SLC26A8: variants seen among roughly 807,000 people sequenced by gnomAD.
SLC26A8 encodes the protein solute carrier family 26 member 8.
Under a neutral mutation model 105.0 loss-of-function variants are expected in SLC26A8, and 70 were observed. The observed-to-expected ratio is 0.67, with a 90% CI of 0.55 to 0.81. The LOEUF (loss-of-function observed/expected upper bound fraction) is 0.81, where lower values mean the gene tolerates loss of function less well. Ranked by LOEUF, SLC26A8 falls within the 40% of genes least tolerant of loss-of-function variation. SLC26A8 has a pLI of 0.00. For missense variants in SLC26A8, 998 were observed against 1,181.8 expected (o/e 0.84, Z 2.28); for synonymous variants, 415 against 438.3 (o/e 0.95, Z 0.66).
chr6:36,007,381 G>A (rs562056991), intron 3 of SLC26A8, among the ~76,000 whole-genome samples: 1 of 152,148 alleles, frequency 6.6e-6, no homozygotes, highest in South Asian at 2.1e-4. Context: ...AAATACTTTG[G>A]CACAAATCTA....
chr6:35,954,581 G>C (rs1771985257), intron 17 of SLC26A8, among the ~76,000 whole-genome samples: 1 of 152,172 alleles, frequency 6.6e-6, no homozygotes, highest in African/African-American at 2.4e-5. Context: ...AGAGTGTCCT[G>C]TTTTTCATTT....
chr6:36,015,237 C>T (rs1761963981), intron 2 of SLC26A8, among the ~76,000 whole-genome samples: 1 of 151,842 alleles, frequency 6.6e-6, no homozygotes, highest in Non-Finnish European at 1.5e-5. Flanking sequence ...CTCAGCCTAC[C>T]GAGTAGCTGG....
At chr6:35,964,994 G>A (rs1386830125) in intron 11 of SLC26A8, among the ~76,000 whole-genome samples, 1 of 150,954 alleles carries the variant, frequency 6.6e-6, no homozygotes, top group Non-Finnish European at 1.5e-5. Flanking sequence ...AATGGTAGAT[G>A]TACAAAATTA....
chr6:35,951,104 C>T (rs1771851545), intron 19 of SLC26A8, 59 bp downstream of exon 19: 1 of 1,463,046 alleles, frequency 6.8e-7, no homozygotes, highest in African/African-American at 1.4e-5. Context: ...ACCCCTCACC[C>T]ATCCCCCCAC....
intron 19 of SLC26A8, 56 bp downstream of exon 19, chr6:35,951,106 TC>T: frequency 1.9e-6 from 1 of 532,746 alleles, no homozygotes; most frequent in Non-Finnish European, 3.4e-6. Context: ...CCCTCACCCA[TC>T]CCCCCACTGC....
At position 35,955,524 on chromosome 6, in the gene SLC26A8, G is replaced by A. The variant is rs765444022; in HGVS notation, c.1864-4C>T. The A allele has an allele frequency of 3.1e-6, 5 of 1,612,856 alleles. No homozygotes were observed. The South Asian group carries it at 5.5e-5, about 18-fold the overall frequency. ...CAAATCGCTCTGTGTAAAGAATCTG[G>A]GACGACAGAGTTAAGGGAGGGCTGT... On this transcript the variant is annotated splice_region_variant and splice_polypyrimidine_tract_variant and intron_variant, in intron 16 of 19. Transcript: ENST00000490799.
Position 35,944,332 on chromosome 6 carries a change from A to G in SLC26A8, c.2481T>C (p.Asn827=), listed in dbSNP as rs764265364. 8.7e-6 allele frequency: 14 copies of G among 1,608,388 alleles called. No individual in the cohort carries two copies. Among genetic ancestry groups the G allele is most frequent in the Non-Finnish European group, 1.2e-5 (14 of 1,175,734 alleles). The change falls in exon 20 of 20, where the codon AAT becomes AAC. Residue 827 remains asparagine, a synonymous_variant. Coordinates refer to ENST00000490799, the MANE Select transcript of SLC26A8 (RefSeq NM_052961.4). The part of the protein sequence containing the change: ...ETYSETDKND[N]SRYKMSSSFL... ...AACTGCTGCTCATTTTATATCTTGAATTGTCATTCTGAAATACAATTAGGT... is the reference window on the plus strand; with the variant it reads ...AACTGCTGCTCATTTTATATCTTGAGTTGTCATTCTGAAATACAATTAGGT...
chr6:35,962,436 G>A (rs1380937952), intron 12 of SLC26A8, 90 bp downstream of exon 12: 4 of 1,060,600 alleles, frequency 3.8e-6, no homozygotes, highest in Non-Finnish European at 4.3e-6. Flanking sequence ...TGTTCTTTAG[G>A]TCCATGGCAG....
At chr6:35,987,396 CAG>C in intron 7 of SLC26A8, among the ~76,000 whole-genome samples, 1 of 152,144 alleles carries the variant, frequency 6.6e-6, no homozygotes, top group African/African-American at 2.4e-5. Context: ...TTTTTTGAGA[CAG>C]AGTCTTGCTG....
chr6:35,988,848 T>G (rs948203565), intron 7 of SLC26A8, among the ~76,000 whole-genome samples: 3 of 150,182 alleles, frequency 2.0e-5, no homozygotes, highest in Non-Finnish European at 3.0e-5. Flanking sequence ...ACGGTTTTTT[T>G]TTTTTTTTTT....
chr6:35,967,326 G>A (rs536717985), intron 11 of SLC26A8, among the ~76,000 whole-genome samples: 1 of 152,288 alleles, frequency 6.6e-6, no homozygotes, highest in African/African-American at 2.4e-5. Flanking sequence ...ACCTCGGTGT[G>A]TAACCAAGCT....
rs569263663 is a variant in SLC26A8 at position 35,978,634 on chromosome 6, T to C, written c.1026-1283A>G. 3.5e-4 allele frequency among the ~76,000 whole-genome samples: 53 copies of C among 152,280 alleles called. 2 individuals carry two copies. The South Asian group carries it at 0.011, about 31-fold the overall frequency. ...AATAAAATGAATCATGTAAATACCC[T>C]TGGGAAAATTATCTTAAAAGAAATT... On this transcript the variant is annotated intron_variant, in intron 8 of 19. Coordinates refer to ENST00000490799, the MANE Select transcript of SLC26A8 (RefSeq NM_052961.4).
chr6:35,959,726 C>T lies in SLC26A8; in HGVS notation c.1719G>A (p.Lys573=), dbSNP rs1223443165. The change falls in exon 15 of 20, where the codon AAG becomes AAA. Residue 573 remains lysine, a synonymous_variant. Coordinates refer to ENST00000490799, the MANE Select transcript of SLC26A8 (RefSeq NM_052961.4). ...GGAGGGCAGATACCTCTTTTAACAG[C>T]TTATGCTTTAGGTAGTAAACATTTA... is the stretch of plus-strand genomic sequence containing the variant. ...TFVNVYYLKH[K]LLKEVDMVKV... is the part of the protein sequence containing the mutation. The T allele has an allele frequency of 1.2e-6, 2 of 1,608,956 alleles. No homozygotes were observed. Among genetic ancestry groups the T allele is most frequent in the South Asian group, 1.1e-5 (1 of 89,686 alleles).
intron 8 of SLC26A8, among the ~76,000 whole-genome samples, chr6:35,980,548 T>C (rs1314637885): frequency 6.6e-6 from 1 of 152,212 alleles, no homozygotes; most frequent in African/African-American, 2.4e-5. Context: ...GTTATTATTT[T>C]TTTTCCTGAG....
intron 2 of SLC26A8, among the ~76,000 whole-genome samples, chr6:36,018,061 T>C (rs1484847752): frequency 1.3e-5 from 2 of 152,154 alleles, no homozygotes; most frequent in African/African-American, 2.4e-5. Context: ...CATGGAAAAA[T>C]TGTACATTGC....
chr6:35,984,214 C>T (rs983320039), intron 7 of SLC26A8, among the ~76,000 whole-genome samples: 3 of 151,984 alleles, frequency 2.0e-5, no homozygotes, highest in Admixed American at 6.6e-5. Context: ...TATTGCTGGA[C>T]CTCTGTTTCC....
Position 35,943,780 on chromosome 6 carries a change from G to T in SLC26A8, c.*120C>A, listed in dbSNP as rs1286468561. 7.1e-7 allele frequency: 1 copy of T among 1,414,194 alleles called. No individual in the cohort carries two copies. Among genetic ancestry groups the T allele is most frequent in the Non-Finnish European group, 9.5e-7 (1 of 1,055,820 alleles). The allele number at this position is 1,414,194 out of a possible 1,614,324, so 87.6% of individuals were successfully genotyped here. On this transcript the variant is annotated 3_prime_UTR_variant, in exon 20 of 20. Transcript: ENST00000490799. The stretch of plus-strand genomic sequence containing the variant: ...GGAAGAAGGCTGGCAGGTAGTAGGA[G>T]TCACAGTCAGGAAGGAAGTACTGCT...
chr6:36,010,741 G>A (rs140153486), intron 3 of SLC26A8, among the ~76,000 whole-genome samples: 15,379 of 151,770 alleles, frequency 0.1, 911 homozygotes, highest in Middle Eastern at 0.15. Flanking sequence ...GTTTCACTAT[G>A]TTGCCCAGGC....
chr6:35,999,963 C>T (rs1310451255), intron 4 of SLC26A8, 29 bp downstream of exon 4: 40 of 1,424,684 alleles, frequency 2.8e-5, no homozygotes, highest in Non-Finnish European at 3.8e-5. Flanking sequence ...ACTTCATCCA[C>T]CGCATGTGTA....
Sources: gnomAD v4.1 joint callset for allele counts (sites outside exome capture counted in the v4.1 genomes callset) on GRCh38, gnomAD v4.1.1 for gene constraint, MANE v1.5 for transcripts, NCBI Gene and HGNC (gene_info 2026-07-23, HGNC 2026-07-21) for gene names.